LRP1B: variants seen among roughly 807,000 people sequenced by gnomAD.
The protein encoded by LRP1B is LDL receptor related protein 1B.
LRP1B carries 217 observed loss-of-function variants against 556.6 expected under a neutral mutation model. That is an observed-to-expected ratio of 0.39 (90% CI 0.35 to 0.44). LRP1B has a LOEUF of 0.44. Among genes scored for constraint, LRP1B ranks in the 20% least tolerant of loss-of-function variants. The pLI is 1.00. For synonymous variants in LRP1B, 2,047 were observed against 1,865.8 expected (o/e 1.10, Z -2.50); for missense variants, 5,053 against 5,620.8 (o/e 0.90, Z 3.23).
At chr2:141,512,855 T>A (rs987421406) in intron 2 of LRP1B, among the ~76,000 whole-genome samples, 2 of 152,132 alleles carry the variant, frequency 1.3e-5, no homozygotes, top group Non-Finnish European at 2.9e-5. Flanking sequence ...GATTTTAACA[T>A]TCAAATCTTT....
At chr2:141,587,980 T>C (rs1339037888) in intron 2 of LRP1B, among the ~76,000 whole-genome samples, 2 of 152,224 alleles carry the variant, frequency 1.3e-5, no homozygotes, top group Non-Finnish European at 2.9e-5. Flanking sequence ...AAAATCCAGA[T>C]CGGTCTTCTA....
At chr2:140,501,240 C>A (rs1574010045) in intron 55 of LRP1B, among the ~76,000 whole-genome samples, 1 of 151,788 alleles carries the variant, frequency 6.6e-6, no homozygotes, top group African/African-American at 2.4e-5. Context: ...TTTTTATGTC[C>A]TAATAATCCA....
chr2:140,879,928 G>A (rs1559171849), intron 25 of LRP1B, among the ~76,000 whole-genome samples: 1 of 146,844 alleles, frequency 6.8e-6, no homozygotes, highest in Non-Finnish European at 1.5e-5. Context: ...AGCAGCAGAA[G>A]GTAAAAATAA....
At chr2:140,922,643 AATCCCAAAT>A (rs1292922425) in intron 21 of LRP1B, among the ~76,000 whole-genome samples, 3 of 152,046 alleles carry the variant, frequency 2.0e-5, no homozygotes, top group Non-Finnish European at 4.4e-5. Flanking sequence ...CTGGTTTAAA[AATCCCAAAT>A]CTCAGAAATA....
chr2:141,640,344 A>ATT (rs1689285328), intron 2 of LRP1B, among the ~76,000 whole-genome samples: 5 of 152,338 alleles, frequency 3.3e-5, no homozygotes, highest in African/African-American at 1.2e-4. Context: ...TAATACCCTG[A>ATT]TGGGTAAAAA....
chr2:140,655,030 A>ATG lies in LRP1B; in HGVS notation c.6799+45218_6799+45219dup, dbSNP rs1279917304. On this transcript the variant is annotated intron_variant, in intron 41 of 90. Transcript: ENST00000389484. ...AAGAGAAATTTGTATGGGTATATGT[A>ATG]TGTATATATATATATATCTCCTAGC... Among the ~76,000 whole-genome samples the ATG allele has an allele frequency of 8.6e-5, 13 of 151,490 alleles. 1 individual carries two copies. The highest frequency in any genetic ancestry group is 3.2e-4 in the African/African-American group (13 of 41,010).
At chr2:141,680,854 G>A (rs1691075457) in intron 2 of LRP1B, among the ~76,000 whole-genome samples, 1 of 152,076 alleles carries the variant, frequency 6.6e-6, no homozygotes, top group Admixed American at 6.5e-5. Flanking sequence ...ATATAATCTA[G>A]TAGTTTGAGA....
chr2:140,781,707 C>T (rs1689704026), intron 32 of LRP1B, among the ~76,000 whole-genome samples: 1 of 152,170 alleles, frequency 6.6e-6, no homozygotes, highest in African/African-American at 2.4e-5. Context: ...ATGATGGTTT[C>T]CATACATATG....
rs2105464762 is a variant in LRP1B at position 140,716,819 on chromosome 2, A to G, written c.5759-3T>C. ...TGTCCAGTAGATGGTATCATTTTCT[A>G]TGGATAAGACACAGAAAAAAAATAC... On this transcript the variant is annotated splice_region_variant and splice_polypyrimidine_tract_variant and intron_variant, in intron 35 of 90. Transcript: ENST00000389484. The G allele has an allele frequency of 6.4e-7, 1 of 1,561,862 alleles. No individual in the cohort carries two copies. Among genetic ancestry groups the G allele is most frequent in the East Asian group, 2.3e-5 (1 of 44,112 alleles).
At chr2:140,655,410 T>C (rs1684843322) in intron 41 of LRP1B, among the ~76,000 whole-genome samples, 1 of 152,170 alleles carries the variant, frequency 6.6e-6, no homozygotes, top group Admixed American at 6.5e-5. Flanking sequence ...AATACCTCAA[T>C]AATCCAAAAT....
chr2:140,753,759 G>A (rs577707108), intron 35 of LRP1B, among the ~76,000 whole-genome samples: 1 of 152,196 alleles, frequency 6.6e-6, no homozygotes, highest in East Asian at 1.9e-4. Context: ...AGAAACTGGG[G>A]TCCCCTTTAC....
At chr2:140,962,530 G>C (rs1033273585) in intron 18 of LRP1B, among the ~76,000 whole-genome samples, 1 of 152,088 alleles carries the variant, frequency 6.6e-6, no homozygotes, top group Admixed American at 6.6e-5. Flanking sequence ...TTTAAGCTAC[G>C]GTGTTCTGTA....
At position 141,883,125 on chromosome 2, in the gene LRP1B, C is replaced by T. The variant is rs77710933; in HGVS notation, c.83-72724G>A. 2.1e-3 allele frequency among the ~76,000 whole-genome samples: 324 copies of T among 152,238 alleles called. 1 individual carries two copies. The highest frequency in any genetic ancestry group is 7.4e-3 in the African/African-American group (307 of 41,544). On this transcript the variant is annotated intron_variant, in intron 1 of 90. Coordinates refer to ENST00000389484, the MANE Select transcript of LRP1B (RefSeq NM_018557.3). ...CATATTACTAGATTTATGATACTCA[C>T]TTAGTCCAACAGTGCCACAAAGTGT...
chr2:140,487,760 G>A (rs760724145), intron 57 of LRP1B, 21 bp from the exon 58 acceptor site: 4 of 1,449,942 alleles, frequency 2.8e-6, no homozygotes, highest in Non-Finnish European at 3.8e-6. Context: ...AAAAGACTAT[G>A]TTGTCAATGA....
At chr2:141,827,227 T>C (rs977473543) in intron 1 of LRP1B, among the ~76,000 whole-genome samples, 1 of 152,244 alleles carries the variant, frequency 6.6e-6, no homozygotes, top group African/African-American at 2.4e-5. Flanking sequence ...GTTCTTTTGT[T>C]GAATTATCCT....
At chr2:140,365,012 T>G (rs1682692575) in intron 71 of LRP1B, among the ~76,000 whole-genome samples, 1 of 151,666 alleles carries the variant, frequency 6.6e-6, no homozygotes, top group Admixed American at 6.6e-5. Context: ...CATATATGTC[T>G]ATTTTTTAGA....
chr2:141,644,500 G>A (rs914101088), intron 2 of LRP1B, among the ~76,000 whole-genome samples: 1 of 151,830 alleles, frequency 6.6e-6, no homozygotes, highest in Non-Finnish European at 1.5e-5. Flanking sequence ...GTGTGAAAAC[G>A]GACTGATACA....
At chr2:140,999,542 C>T (rs1245382896) in intron 15 of LRP1B, among the ~76,000 whole-genome samples, 3 of 151,950 alleles carry the variant, frequency 2.0e-5, no homozygotes, top group Non-Finnish European at 4.4e-5. Context: ...CCTTACAAGC[C>T]AAAGTCATTT....
chr2:142,087,705 A>G (rs987496300), intron 1 of LRP1B, among the ~76,000 whole-genome samples: 1 of 152,084 alleles, frequency 6.6e-6, no homozygotes. Flanking sequence ...CCACAGAGAA[A>G]GATAAAGTGT....
Sources: allele counts gnomAD v4.1 joint callset (sites outside exome capture counted in the v4.1 genomes callset), GRCh38; gene constraint gnomAD v4.1.1; transcripts MANE v1.5; gene names NCBI Gene and HGNC (gene_info 2026-07-23, HGNC 2026-07-21).